BCORL1: variants seen among roughly 807,000 people sequenced by gnomAD.
The protein encoded by BCORL1 is BCL-6 corepressor-like protein 1.
In BCORL1, 7 loss-of-function variants were observed where a neutral mutation model predicts 87.6. The observed-to-expected ratio is 0.08, with a 90% CI of 0.05 to 0.15. The LOEUF is 0.15. BCORL1 is among the 10% of genes least tolerant of loss of function. The pLI is 1.00. For synonymous variants in BCORL1, 591 were observed against 634.4 expected (o/e 0.93, Z 1.03); for missense variants, 1,215 against 1,499.7 (o/e 0.81, Z 3.13).
intron 13 of BCORL1, among the ~76,000 whole-genome samples, chrX:130,055,467 G>A (rs1038021646): frequency 4.9e-4 from 55 of 112,780 alleles, no homozygotes; most frequent in Admixed American, 4.7e-4. Context: ...GCGGGAGTCG[G>A]AGGAAAGACT....
At chrX:129,989,222 G>A (rs1215613113) in intron 1 of BCORL1, among the ~76,000 whole-genome samples, 1 of 108,472 alleles carries the variant, frequency 9.2e-6, no homozygotes, top group Admixed American at 1.0e-4. Flanking sequence ...TGCAAGCTCC[G>A]CTGCCCGGGT....
chrX:130,023,829 TATTAACCAGAATATTAG>T (rs1930022763), intron 6 of BCORL1, among the ~76,000 whole-genome samples: 1 of 113,005 alleles, frequency 8.8e-6, no homozygotes, highest in Admixed American at 9.3e-5. Context: ...GATGATTCTG[TATTAACCAGAATATTAG>T]ATTAACCAGA....
intron 1 of BCORL1, among the ~76,000 whole-genome samples, chrX:130,003,204 G>A (rs775133758): frequency 1.8e-5 from 2 of 110,323 alleles, no homozygotes; most frequent in South Asian, 3.9e-4. Flanking sequence ...AAATATCCAC[G>A]TGGCTACTCC....
Position 130,037,356 on chromosome X carries a change from T to C in BCORL1, c.4528-11T>C, listed in dbSNP as rs199535464. 918 of 1,208,061 alleles carry C rather than the reference T, an allele frequency of 7.6e-4. 3 individuals carry two copies. In the South Asian group the frequency reaches 0.013, roughly 17 times the overall value. On this transcript the variant is annotated splice_polypyrimidine_tract_variant and intron_variant, in intron 9 of 13. Transcript: ENST00000540052. ...CTCTCTTTGCTCATGGAGTTGTCCC[T>C]GTCCCCACAGGATGTTGTTCTCTAC...
chrX:129,998,648 G>A (rs1382710836), intron 1 of BCORL1, among the ~76,000 whole-genome samples: 2 of 111,949 alleles, frequency 1.8e-5, no homozygotes, highest in Non-Finnish European at 3.8e-5. Context: ...GACATTGACC[G>A]TCCTGACTCC....
In BCORL1 at chrX:130,010,021, G is replaced by A. The variant is rs753309907; in HGVS notation, c.87-2557G>A. Among the ~76,000 whole-genome samples, 7 of 112,018 alleles carry A rather than the reference G, an allele frequency of 6.2e-5. No individual in the cohort carries two copies. In the South Asian group the frequency reaches 1.1e-3, roughly 18 times the overall value. The stretch of plus-strand genomic sequence containing the variant: ...ACACGGCTGCATGACATTTTGCAGC[G>A]CCTTCGGGGCTGGACTCAGGTGTGG... On this transcript the variant is annotated intron_variant, in intron 2 of 13. Coordinates refer to ENST00000540052, the MANE Select transcript of BCORL1 (RefSeq NM_001379451.1).
In BCORL1 at chrX:130,001,853, GAGGAGGGA is replaced by G. The variant is rs1367879543; in HGVS notation, c.-44-3329_-44-3322del. Among the ~76,000 whole-genome samples, 3 of 110,530 alleles carry G rather than the reference GAGGAGGGA, an allele frequency of 2.7e-5. No individual in the cohort carries two copies. In the East Asian group the frequency reaches 8.5e-4, roughly 31 times the overall value. The stretch of plus-strand genomic sequence containing the variant: ...CCGGGGAAAGCTATTGAAAGCTTTT[GAGGAGGGA>G]AGGAGTGACATGATCGAACTGGCGC... On this transcript the variant is annotated intron_variant, in intron 1 of 13. Coordinates refer to ENST00000540052, the MANE Select transcript of BCORL1 (RefSeq NM_001379451.1).
At chrX:130,032,643 G>T (rs1603146144) in intron 8 of BCORL1, among the ~76,000 whole-genome samples, 1 of 111,369 alleles carries the variant, frequency 9.0e-6, no homozygotes, top group Non-Finnish European at 1.9e-5. Flanking sequence ...AGTGATTCCT[G>T]TCCCTCCCAC....
chrX:130,040,422 G>C (rs113978336), intron 11 of BCORL1, among the ~76,000 whole-genome samples: 1 of 112,286 alleles, frequency 8.9e-6, no homozygotes. Flanking sequence ...GGCGGTGAGT[G>C]GGGGGTAATA....
chrX:130,013,750 G>T lies in BCORL1; in HGVS notation c.978G>T (p.Pro326=). 2 of 1,188,890 alleles carry T rather than the reference G, an allele frequency of 1.7e-6. No individual in the cohort carries two copies. Among genetic ancestry groups the T allele is most frequent in the South Asian group, 3.7e-5 (2 of 54,556 alleles). Residue 326 remains proline, a synonymous_variant, in exon 4 of 14, where the codon CCG becomes CCT. Coordinates refer to ENST00000540052, the MANE Select transcript of BCORL1 (RefSeq NM_001379451.1). The part of the protein sequence containing the change: ...LIQAPVPPSA[P]TLVLAPVPTP... ...AGGCTCCTGTGCCCCCTTCAGCTCC[G>T]ACCTTGGTTCTCGCTCCCGTCCCCA...
At chrX:130,037,753 T>C (rs777172380) in intron 10 of BCORL1, among the ~76,000 whole-genome samples, 1 of 111,337 alleles carries the variant, frequency 9.0e-6, no homozygotes, top group Non-Finnish European at 1.9e-5. Flanking sequence ...TAGCCGGGTG[T>C]GGTGGCATGT....
intron 11 of BCORL1, among the ~76,000 whole-genome samples, chrX:130,050,197 C>T (rs1416807420): frequency 1.8e-5 from 2 of 110,070 alleles, no homozygotes; most frequent in South Asian, 3.9e-4. Flanking sequence ...TTTGGGAGGC[C>T]GAGGTGGGAG....
At chrX:130,048,537 C>T (rs1336674982) in intron 11 of BCORL1, among the ~76,000 whole-genome samples, 2 of 112,139 alleles carry the variant, frequency 1.8e-5, no homozygotes, top group Admixed American at 9.4e-5. Flanking sequence ...AGAGGTGAAA[C>T]AATTCCACTA....
intron 7 of BCORL1, among the ~76,000 whole-genome samples, 184 bp downstream of exon 7, chrX:130,025,563 T>G (rs895493977): frequency 2.7e-5 from 3 of 110,784 alleles, no homozygotes; most frequent in Non-Finnish European, 5.7e-5. Context: ...ATTGAATGAG[T>G]TCGGATTGGC....
upstream of BCORL1, among the ~76,000 whole-genome samples, chrX:129,982,255 C>T (rs1285405610): frequency 1.8e-5 from 2 of 111,472 alleles, no homozygotes; most frequent in African/African-American, 6.5e-5. Context: ...CTCCGCCTCT[C>T]CCAGGAGTCT....
intron 4 of BCORL1, among the ~76,000 whole-genome samples, chrX:130,017,682 C>T (rs1429278734): frequency 1.9e-5 from 2 of 107,953 alleles, no homozygotes; most frequent in Non-Finnish European, 3.8e-5. Context: ...TGCTCTGTCA[C>T]CCGGGCTGGA....
intron 8 of BCORL1, among the ~76,000 whole-genome samples, chrX:130,029,120 G>A (rs1930426818): frequency 1.8e-5 from 2 of 111,958 alleles, no homozygotes; most frequent in African/African-American, 6.5e-5. Context: ...GAATATGGCA[G>A]GATGTTAGCT....
chrX:130,042,921 T>G (rs1392178410), intron 11 of BCORL1, among the ~76,000 whole-genome samples: 1 of 109,027 alleles, frequency 9.2e-6, no homozygotes, highest in East Asian at 2.9e-4. Context: ...TGCAGTGAGC[T>G]GAGATCACAC....
rs1261732180 is a variant in BCORL1 at position 130,056,599 on chromosome X, T to C, written c.*463T>C. ...ATTTATTTTATTAGTATTTAATTTG[T>C]ATTGTTTCATTGGTTTCTGATAAGT... is the stretch of plus-strand genomic sequence containing the variant. On this transcript the variant is annotated 3_prime_UTR_variant, in exon 14 of 14. Coordinates refer to ENST00000540052, the MANE Select transcript of BCORL1 (RefSeq NM_001379451.1). 2 of 116,509 alleles carry C rather than the reference T, an allele frequency of 1.7e-5. No homozygotes were observed. The highest frequency in any genetic ancestry group is 3.6e-5 in the Non-Finnish European group (2 of 55,807). 9.6% of individuals were successfully genotyped at this position (116,509 alleles called of 1,213,427 possible).
Sources: allele counts gnomAD v4.1 joint callset (sites outside exome capture counted in the v4.1 genomes callset), GRCh38; gene constraint gnomAD v4.1.1; transcripts MANE v1.5; gene names NCBI Gene and HGNC (gene_info 2026-07-23, HGNC 2026-07-21).